Variants in GREB1L observed in about 807,000 individuals in gnomAD.
GREB1L encodes the protein GREB1-like protein.
GREB1L carries 17 observed loss-of-function variants against 200.8 expected under a neutral mutation model. That is an observed-to-expected ratio of 0.08 (90% CI 0.06 to 0.13). The LOEUF (loss-of-function observed/expected upper bound fraction) is 0.13. GREB1L is among the 10% of genes least tolerant of loss of function. The pLI, the probability that GREB1L is intolerant of heterozygous loss-of-function variation, is 1.00. For missense variants in GREB1L, 1,657 were observed against 2,367.7 expected, an observed-to-expected ratio of 0.70 and a Z score of 6.23; for synonymous variants, 789 against 893.0, an observed-to-expected ratio of 0.88 and a Z score of 2.08.
intron 7 of GREB1L, among the ~76,000 whole-genome samples, chr18:21,421,856 G>A (rs888684503): frequency 3.9e-5 from 6 of 152,114 alleles, no homozygotes; most frequent in African/African-American, 1.4e-4. Flanking sequence ...AGTGATTTTG[G>A]GCTAACAGAA....
intron 18 of GREB1L, among the ~76,000 whole-genome samples, chr18:21,487,473 T>A (rs1440939116): frequency 1.3e-5 from 2 of 152,156 alleles, no homozygotes; most frequent in East Asian, 3.8e-4. Flanking sequence ...TCCAACCCAG[T>A]CACCCCAGCC....
chr18:21,395,176 G>A (rs1173859958), intron 4 of GREB1L, among the ~76,000 whole-genome samples: 2 of 151,256 alleles, frequency 1.3e-5, no homozygotes, highest in South Asian at 2.1e-4. Context: ...CGAAGCAGAC[G>A]GAAATATTTC....
At chr18:21,395,105 C>CAAAAAAAAAAA (rs372663303) in intron 4 of GREB1L, among the ~76,000 whole-genome samples, 51 of 63,526 alleles carry the variant, frequency 8.0e-4, no homozygotes, top group Non-Finnish European at 1.4e-3. Context: ...GACTCCATCT[C>CAAAAAAAAAAA]AAAAAAAAAA....
intron 5 of GREB1L, among the ~76,000 whole-genome samples, chr18:21,398,688 T>G (rs1436081709): frequency 6.6e-6 from 1 of 152,228 alleles, no homozygotes; most frequent in African/African-American, 2.4e-5. Flanking sequence ...CTTCCACTAT[T>G]CTGGAACCCC....
At chr18:21,520,001 A>G (rs1189070720) in intron 31 of GREB1L, among the ~76,000 whole-genome samples, 2 of 151,622 alleles carry the variant, frequency 1.3e-5, no homozygotes, top group Non-Finnish European at 2.9e-5. Flanking sequence ...GCTCAGTGCA[A>G]CCTCGGCTCA....
chr18:21,300,551 G>A (rs999562398), intron 1 of GREB1L, among the ~76,000 whole-genome samples: 6 of 151,752 alleles, frequency 4.0e-5, no homozygotes, highest in Admixed American at 6.6e-5. Context: ...TTTTGAAAAC[G>A]CCCCAGATTT....
At chr18:21,318,989 C>T (rs1001527374) in intron 1 of GREB1L, among the ~76,000 whole-genome samples, 5 of 152,164 alleles carry the variant, frequency 3.3e-5, no homozygotes, top group Admixed American at 6.6e-5. Context: ...AGCTGCTTAG[C>T]CCCCGTGTAG....
chr18:21,282,880 G>T (rs1186289039), intron 1 of GREB1L, among the ~76,000 whole-genome samples: 3 of 152,228 alleles, frequency 2.0e-5, no homozygotes, highest in Admixed American at 1.3e-4. Flanking sequence ...TTACAGGCGT[G>T]AGCCACTGCA....
chr18:21,475,836 GCA>G (rs1336901549), intron 16 of GREB1L, among the ~76,000 whole-genome samples: 1 of 151,828 alleles, frequency 6.6e-6, no homozygotes, highest in Non-Finnish European at 1.5e-5. Flanking sequence ...GGGCGTGGTG[GCA>G]CATGCCTGTA....
At chr18:21,328,070 A>G (rs1390020793) in intron 1 of GREB1L, among the ~76,000 whole-genome samples, 2 of 152,190 alleles carry the variant, frequency 1.3e-5, no homozygotes, top group East Asian at 3.9e-4. Context: ...GGACCCACAT[A>G]AAGCTACACC....
chr18:21,443,044 C>T (rs1204011936), intron 10 of GREB1L, among the ~76,000 whole-genome samples: 8 of 151,820 alleles, frequency 5.3e-5, no homozygotes, highest in African/African-American at 4.8e-5. Flanking sequence ...GCTGAGATTA[C>T]GAGCGTGCAC....
chr18:21,355,586 C>T (rs987217758), intron 1 of GREB1L, among the ~76,000 whole-genome samples: 7 of 152,154 alleles, frequency 4.6e-5, no homozygotes, highest in African/African-American at 1.7e-4. Flanking sequence ...CTACCACAGA[C>T]TAAACCCTGT....
At chr18:21,279,551 C>T (rs1157538819) in intron 1 of GREB1L, among the ~76,000 whole-genome samples, 1 of 152,166 alleles carries the variant, frequency 6.6e-6, no homozygotes. Context: ...AAAGATTCTT[C>T]CAATTTTTAA....
rs1420954915 is a variant in GREB1L, at chr18:21,499,907, C to T, written c.3570C>T (p.Gly1190=). Reference sequence around the variant, plus strand: ...TGAAGCAGGAATGTGACTCCCTGGGCCCCCAGATGGCGAGCAGCACCACCT... The same window carrying T: ...TGAAGCAGGAATGTGACTCCCTGGGTCCCCAGATGGCGAGCAGCACCACCT... ...ETLKQECDSL[G]PQMASSTTSK... The change falls in exon 22 of 33, where the codon GGC becomes GGT. Residue 1190 remains glycine (G), a synonymous_variant. Transcript: ENST00000424526. 1.3e-6 allele frequency: 2 copies of T among 1,547,748 alleles called. No homozygotes were observed. Among genetic ancestry groups the T allele is most frequent in the Middle Eastern group, 1.7e-4 (1 of 5,962 alleles).
intron 1 of GREB1L, among the ~76,000 whole-genome samples, chr18:21,337,408 T>TA (rs1205406250): frequency 6.6e-6 from 1 of 152,058 alleles, no homozygotes; most frequent in Non-Finnish European, 1.5e-5. Flanking sequence ...GAGGAAAAGG[T>TA]AAAGGTCAAA....
chr18:21,280,613 T>C (rs34399441), intron 1 of GREB1L, among the ~76,000 whole-genome samples: 1 of 152,220 alleles, frequency 6.6e-6, no homozygotes, highest in Non-Finnish European at 1.5e-5. Context: ...ACATATATTG[T>C]CTTCTCTTCC....
At position 21,387,297 on chromosome 18, in the gene GREB1L, T is replaced by A. The variant is rs545254960; in HGVS notation, c.355+2894T>A. On this transcript the variant is annotated intron_variant, in intron 4 of 32. Coordinates refer to ENST00000424526, the MANE Select transcript of GREB1L (RefSeq NM_001142966.3). Reference sequence around the variant, plus strand: ...GTTGGAGATAATTGGAGAATGCTAATCTGTTTCTGTGAAGTGAAATCTTTG... The same window carrying A: ...GTTGGAGATAATTGGAGAATGCTAAACTGTTTCTGTGAAGTGAAATCTTTG... Among the ~76,000 whole-genome samples, 5 of 152,360 alleles carry A rather than the reference T, an allele frequency of 3.3e-5. No homozygotes were observed. In the South Asian group the frequency reaches 1.0e-3, roughly 32 times the overall value.
chr18:21,485,776 T>C, intron 18 of GREB1L, 23 bp downstream of exon 18: 1 of 1,548,536 alleles, frequency 6.5e-7, no homozygotes. Context: ...TAAGGCCTTC[T>C]GCTCTTCTCT....
intron 21 of GREB1L, among the ~76,000 whole-genome samples, chr18:21,497,104 A>AGAAT (rs377266732): frequency 2.0e-4 from 31 of 152,138 alleles, no homozygotes; most frequent in African/African-American, 5.6e-4. Flanking sequence ...AATGTTTCCT[A>AGAAT]GAATGAATGA....
Sources: allele counts gnomAD v4.1 joint callset (sites outside exome capture counted in the v4.1 genomes callset), GRCh38; gene constraint gnomAD v4.1.1; transcripts MANE v1.5; gene names NCBI Gene and HGNC (gene_info 2026-07-23, HGNC 2026-07-21).